Variants in CLEC17A observed in about 807,000 individuals in gnomAD.
CLEC17A encodes the protein C-type lectin domain family 17, member A.
Under a neutral mutation model 61.3 loss-of-function variants are expected in CLEC17A, and 37 were observed. That is an observed-to-expected ratio of 0.60 (90% CI 0.46 to 0.79). CLEC17A has a LOEUF of 0.79. Ranked by LOEUF, CLEC17A falls within the 30% of genes least tolerant of loss-of-function variation. CLEC17A has a pLI of 0.00. For missense variants in CLEC17A, 418 were observed against 464.7 expected (o/e 0.90, Z 0.92); for synonymous variants, 168 against 164.9 (o/e 1.02, Z -0.14).
intron 10 of CLEC17A, among the ~76,000 whole-genome samples, chr19:14,598,534 C>T (rs761102468): frequency 4.6e-5 from 7 of 151,714 alleles, no homozygotes; most frequent in South Asian, 2.1e-4. Context: ...AGTACAGTGG[C>T]GCGATCTCAG....
Position 14,610,312 on chromosome 19 carries a change from C to G in CLEC17A, c.*116C>G. The G allele has an allele frequency of 7.1e-7, 1 of 1,408,112 alleles. No individual in the cohort carries two copies. The highest frequency in any genetic ancestry group is 9.5e-7 in the Non-Finnish European group (1 of 1,049,028). 87.2% of individuals were successfully genotyped at this position (1,408,112 alleles called of 1,614,324 possible). ...AGTGGACACACAGATGTGCCTCAAACAGGATTGGCACCCTGGATGCAGCAA... is the reference window on the plus strand; with the variant it reads ...AGTGGACACACAGATGTGCCTCAAAGAGGATTGGCACCCTGGATGCAGCAA... On this transcript the variant is annotated 3_prime_UTR_variant, in exon 14 of 14. Coordinates refer to ENST00000417570, the MANE Select transcript of CLEC17A (RefSeq NM_001204118.2).
chr19:14,610,429 G>C lies in CLEC17A; in HGVS notation c.*233G>C, dbSNP rs1270711444. 1 of 550,850 alleles carries C rather than the reference G, an allele frequency of 1.8e-6. No individual in the cohort carries two copies. The highest frequency in any genetic ancestry group is 1.9e-5 in the African/African-American group (1 of 52,734). 34.1% of individuals were successfully genotyped at this position (550,850 alleles called of 1,614,324 possible). The stretch of plus-strand genomic sequence containing the variant: ...GCTGGGAGGATGCTCAGAGCTTGGT[G>C]GTGGGAGGTCTCCCACTTCTGGGGT... On this transcript the variant is annotated 3_prime_UTR_variant, in exon 14 of 14. Transcript: ENST00000417570.
chr19:14,611,874 T>C lies in CLEC17A; in HGVS notation c.*1678T>C, dbSNP rs1177889923. ...AAAAAATTAGCTGGGCGTGGTGGCA[T>C]GTGCCTGTAATCCCAGCTACTCAGG... On this transcript the variant is annotated 3_prime_UTR_variant, in exon 14 of 14. Coordinates refer to ENST00000417570, the MANE Select transcript of CLEC17A (RefSeq NM_001204118.2). Among the ~76,000 whole-genome samples the C allele has an allele frequency of 6.6e-6, 1 of 152,012 alleles. No individual in the cohort carries two copies. The highest frequency in any genetic ancestry group is 6.6e-5 in the Admixed American group (1 of 15,234).
chr19:14,594,870 T>C (rs2074505655), intron 7 of CLEC17A, 70 bp downstream of exon 7: 10 of 1,390,740 alleles, frequency 7.2e-6, no homozygotes, highest in Non-Finnish European at 9.0e-6. Flanking sequence ...AATCCCCCAA[T>C]TTTTATTTAT....
intron 4 of CLEC17A, among the ~76,000 whole-genome samples, chr19:14,592,674 C>CT (rs200351473): frequency 0.03 from 4,538 of 150,902 alleles, 223 homozygotes; most frequent in African/African-American, 0.1. Context: ...TTCTTTTTTT[C>CT]TTTTTTTTTG....
Position 14,594,080 on chromosome 19 carries a change from C to T in CLEC17A, c.278-437C>T, listed in dbSNP as rs532825919. On this transcript the variant is annotated intron_variant, in intron 4 of 13. Transcript: ENST00000417570. ...GGTGGATCACTTGAGGTCAGGAGTTCGAGACCAGCCTGGCCAACATGGTGG... is the reference window on the plus strand; with the variant it reads ...GGTGGATCACTTGAGGTCAGGAGTTTGAGACCAGCCTGGCCAACATGGTGG... Among the ~76,000 whole-genome samples, 44 of 151,972 alleles carry T rather than the reference C, an allele frequency of 2.9e-4. No homozygotes were observed. The South Asian group carries it at 7.9e-3, about 27-fold the overall frequency.
rs925337670 is a variant in CLEC17A at position 14,610,371 on chromosome 19, G to A, written c.*175G>A. The A allele has an allele frequency of 4.7e-6, 4 of 855,208 alleles. No homozygotes were observed. Among genetic ancestry groups the A allele is most frequent in the African/African-American group, 3.4e-5 (2 of 58,792 alleles). The allele number at this position is 855,208 out of a possible 1,614,324, so 53.0% of individuals were successfully genotyped here. A position where few individuals can be genotyped will look rare whatever the true frequency, so the allele number is the denominator to read the frequency against. On this transcript the variant is annotated 3_prime_UTR_variant, in exon 14 of 14. Coordinates refer to ENST00000417570, the MANE Select transcript of CLEC17A (RefSeq NM_001204118.2). ...GGGTGCAAGTCAGGCTGTTTCTAGAGTGAGGACTTGGGCTTGCCCTAGTAG... is the reference window on the plus strand; with the variant it reads ...GGGTGCAAGTCAGGCTGTTTCTAGAATGAGGACTTGGGCTTGCCCTAGTAG...
intron 13 of CLEC17A, among the ~76,000 whole-genome samples, chr19:14,608,301 G>A (rs2074953721): frequency 6.6e-6 from 1 of 152,110 alleles, no homozygotes; most frequent in African/African-American, 2.4e-5. Flanking sequence ...TTTGTCATTG[G>A]CAAAGAAGGG....
At chr19:14,583,245 C>T (rs373288405) in intron 1 of CLEC17A, 42 bp downstream of exon 1, 1 of 1,613,544 alleles carries the variant, frequency 6.2e-7, no homozygotes, top group Non-Finnish European at 8.5e-7. Flanking sequence ...TAGGTGTGGT[C>T]AGGACCCAGG....
Position 14,611,870 on chromosome 19 carries a change from G to A in CLEC17A, c.*1674G>A, listed in dbSNP as rs2075043586. Among the ~76,000 whole-genome samples, 1 of 152,068 alleles carries A rather than the reference G, an allele frequency of 6.6e-6. No homozygotes were observed. The highest frequency in any genetic ancestry group is 2.1e-4 in the South Asian group (1 of 4,826). ...TACAAAAAAATTAGCTGGGCGTGGTGGCATGTGCCTGTAATCCCAGCTACT... is the reference window on the plus strand; with the variant it reads ...TACAAAAAAATTAGCTGGGCGTGGTAGCATGTGCCTGTAATCCCAGCTACT... On this transcript the variant is annotated 3_prime_UTR_variant, in exon 14 of 14. Transcript: ENST00000417570.
intron 12 of CLEC17A, among the ~76,000 whole-genome samples, chr19:14,604,744 C>A (rs1425774699): frequency 6.6e-6 from 1 of 151,048 alleles, no homozygotes; most frequent in Non-Finnish European, 1.5e-5. Context: ...GTCTGGGAGA[C>A]AAAGCAAGAC....
In CLEC17A at chr19:14,587,675, C is replaced by T. The variant is rs775235339; in HGVS notation, c.183C>T (p.Asp61=). 8 of 1,605,856 alleles carry T rather than the reference C, an allele frequency of 5.0e-6. No individual in the cohort carries two copies. Among genetic ancestry groups the T allele is most frequent in the African/African-American group, 1.3e-5 (1 of 74,714 alleles). The change falls in exon 3 of 14, where the codon GAC becomes GAT. Residue 61 remains aspartate (D), a synonymous_variant. Coordinates refer to ENST00000417570, the MANE Select transcript of CLEC17A (RefSeq NM_001204118.2). ...DYENSTPPYK[D]LPPKPGTMEE... is the part of the protein sequence containing the mutation. Reference sequence around the variant, plus strand: ...AGAACTCAACACCTCCCTACAAGGACCTTCCTCCCAAGCCAGGTAAGAGGA... The same window carrying T: ...AGAACTCAACACCTCCCTACAAGGATCTTCCTCCCAAGCCAGGTAAGAGGA...
chr19:14,600,855 C>T (rs1267097976), intron 12 of CLEC17A, among the ~76,000 whole-genome samples: 3 of 144,162 alleles, frequency 2.1e-5, no homozygotes, highest in African/African-American at 7.7e-5. Flanking sequence ...TCCCAAAGTG[C>T]TGGGATTACA....
intron 4 of CLEC17A, among the ~76,000 whole-genome samples, chr19:14,593,698 C>T (rs770997161): frequency 1.6e-4 from 24 of 151,662 alleles, no homozygotes; most frequent in Admixed American, 2.0e-4. Flanking sequence ...CGGTGGCTCA[C>T]GCCTGTAATC....
chr19:14,583,482 G>T (rs761807403), intron 2 of CLEC17A, 48 bp downstream of exon 2: 13 of 1,610,154 alleles, frequency 8.1e-6, no homozygotes, highest in African/African-American at 1.3e-5. Context: ...AGGGAATGGG[G>T]TCTCCAGTGG....
intron 12 of CLEC17A, among the ~76,000 whole-genome samples, chr19:14,602,148 A>T (rs1330746312): frequency 6.6e-6 from 1 of 151,674 alleles, no homozygotes; most frequent in African/African-American, 2.4e-5. Context: ...CCTAGGCTCT[A>T]TGTTTTCTAT....
chr19:14,591,163 T>C (rs1288670144), intron 3 of CLEC17A, among the ~76,000 whole-genome samples: 1 of 151,658 alleles, frequency 6.6e-6, no homozygotes, highest in African/African-American at 2.4e-5. Context: ...TTTCTTCTTT[T>C]TTTTTTTTTG....
At chr19:14,583,230 G>A (rs775927610) in intron 1 of CLEC17A, 27 bp downstream of exon 1, 1 of 1,612,916 alleles carries the variant, frequency 6.2e-7, no homozygotes, top group South Asian at 1.1e-5. Flanking sequence ...GCTGGGGCTG[G>A]GGCCTAGGTG....
chr19:14,598,295 G>GTTCTTTCT (rs202076808), intron 10 of CLEC17A, among the ~76,000 whole-genome samples: 1 of 136,416 alleles, frequency 7.3e-6, no homozygotes, highest in African/African-American at 3.1e-5. Context: ...TCGTTTGTTT[G>GTTCTTTCT]TTCTTTCTTT....
Sources: gnomAD v4.1 joint callset for allele counts (sites outside exome capture counted in the v4.1 genomes callset) on GRCh38, gnomAD v4.1.1 for gene constraint, MANE v1.5 for transcripts, NCBI Gene and HGNC (gene_info 2026-07-23, HGNC 2026-07-21) for gene names.